DACH1: variants seen among roughly 807,000 people sequenced by gnomAD.
DACH1 encodes dachshund homolog 1.
Under a neutral mutation model 54.2 loss-of-function variants are expected in DACH1, and 12 were observed. The ratio of observed to expected loss-of-function variants is 0.22; its 90% CI spans 0.14 to 0.36. The LOEUF is 0.36. Ranked by LOEUF, DACH1 falls within the 10% of genes least tolerant of loss-of-function variation. The probability of loss-of-function intolerance (pLI) is 1.00; values close to 1 mark genes in which losing one functional copy is unlikely to be tolerated. For missense variants in DACH1, 805 were observed against 929.8 expected (o/e 0.87, Z 1.75); for synonymous variants, 386 against 366.2 (o/e 1.05, Z -0.62).
At chr13:71,861,304 T>A (rs1448977573) in intron 1 of DACH1, among the ~76,000 whole-genome samples, 2 of 152,092 alleles carry the variant, frequency 1.3e-5, no homozygotes, top group South Asian at 2.1e-4. Flanking sequence ...ATTTCTTACA[T>A]CAGAGCATTA....
chr13:71,457,846 C>T (rs1254037891), intron 10 of DACH1, among the ~76,000 whole-genome samples: 1 of 151,884 alleles, frequency 6.6e-6, no homozygotes, highest in Non-Finnish European at 1.5e-5. Context: ...CATTCCAATG[C>T]CTGCTTCATA....
chr13:71,467,865 C>T (rs1054853211), intron 10 of DACH1, among the ~76,000 whole-genome samples: 3 of 151,954 alleles, frequency 2.0e-5, no homozygotes, highest in African/African-American at 7.2e-5. Flanking sequence ...ATTTTAAGAT[C>T]GAGAAAAATG....
intron 1 of DACH1, among the ~76,000 whole-genome samples, chr13:71,818,352 A>T (rs1888048651): frequency 6.6e-6 from 1 of 152,184 alleles, no homozygotes; most frequent in Admixed American, 6.5e-5. Flanking sequence ...AGATTTGCAT[A>T]ATGAAAAAAC....
chr13:71,491,704 G>A (rs1453811073), intron 6 of DACH1, among the ~76,000 whole-genome samples: 1 of 152,078 alleles, frequency 6.6e-6, no homozygotes, highest in Non-Finnish European at 1.5e-5. Context: ...ATATTCCTTT[G>A]GGTCTCATGA....
chr13:71,793,462 A>G (rs557126421), intron 1 of DACH1, among the ~76,000 whole-genome samples: 2 of 152,322 alleles, frequency 1.3e-5, no homozygotes, highest in Non-Finnish European at 2.9e-5. Flanking sequence ...CTATAGATTG[A>G]AGACAAAAGG....
chr13:71,729,656 A>C (rs1228442549), intron 1 of DACH1, among the ~76,000 whole-genome samples: 1 of 152,120 alleles, frequency 6.6e-6, no homozygotes, highest in Non-Finnish European at 1.5e-5. Flanking sequence ...CCACAGAATG[A>C]AACTTGTTTA....
In DACH1 at chr13:71,866,637, C is replaced by G. The variant is rs754291080; in HGVS notation, c.133G>C (p.Gly45Arg). Reference protein sequence around the residue: ...SATSSPAPSIGPPASSGPTLF... With the variant: ...SATSSPAPSIRPPASSGPTLF... ...GTTGGCCCAGAGGACGCCGGGGGTC[C>G]GATGGAAGGAGCCGGAGACGAAGTC... The change falls in exon 1 of 11, where the codon GGA (glycine) becomes CGA (arginine). Residue 45 changes from glycine (G) to arginine (R), a missense_variant. Physicochemically the swap from Gly to Arg is moderately radical, Grantham distance 125. Transcript: ENST00000613252. 2.8e-6 allele frequency: 4 copies of G among 1,407,846 alleles called. No homozygotes were observed. Among genetic ancestry groups the G allele is most frequent in the Non-Finnish European group, 3.7e-6 (4 of 1,074,086 alleles). 87.2% of individuals were successfully genotyped at this position (1,407,846 alleles called of 1,614,324 possible).
At chr13:71,621,115 G>T (rs1026332131) in intron 3 of DACH1, among the ~76,000 whole-genome samples, 1 of 151,520 alleles carries the variant, frequency 6.6e-6, no homozygotes. Context: ...TATATAACTG[G>T]ACACACAAAC....
intron 1 of DACH1, among the ~76,000 whole-genome samples, chr13:71,697,962 C>A (rs1881914166): frequency 6.6e-6 from 1 of 152,060 alleles, no homozygotes; most frequent in African/African-American, 2.4e-5. Context: ...ATAAGAATGA[C>A]ATTAATGCCA....
At chr13:71,778,266 G>A (rs905432673) in intron 1 of DACH1, among the ~76,000 whole-genome samples, 40 of 152,026 alleles carry the variant, frequency 2.6e-4, no homozygotes, top group African/African-American at 9.2e-4. Flanking sequence ...AGAATCAGTA[G>A]TAGAAGCCAG....
chr13:71,699,085 A>G, intron 1 of DACH1, among the ~76,000 whole-genome samples: 1 of 152,168 alleles, frequency 6.6e-6, no homozygotes, highest in East Asian at 1.9e-4. Flanking sequence ...GACTGAACAT[A>G]AGGATTGTAA....
chr13:71,594,028 A>C (rs1465810426), intron 3 of DACH1, among the ~76,000 whole-genome samples: 1 of 151,438 alleles, frequency 6.6e-6, no homozygotes, highest in Non-Finnish European at 1.5e-5. Context: ...AAAGATATTA[A>C]CATAATATAG....
Position 71,504,917 on chromosome 13 carries a change from C to T in DACH1, c.1571-15769G>A, listed in dbSNP as rs1880192288. On this transcript the variant is annotated intron_variant, in intron 6 of 10. Coordinates refer to ENST00000613252, the MANE Select transcript of DACH1 (RefSeq NM_080759.6). ...GTGTCTCCTATACCTTGAATGGTGC[C>T]TGGCTTTTACATGTAGGATGAATCA... Among the ~76,000 whole-genome samples, 2 of 152,088 alleles carry T rather than the reference C, an allele frequency of 1.3e-5. 1 individual carries two copies. Among genetic ancestry groups the T allele is most frequent in the South Asian group, 4.1e-4 (2 of 4,828 alleles).
chr13:71,455,546 G>T (rs892912717), intron 10 of DACH1, among the ~76,000 whole-genome samples: 1 of 152,018 alleles, frequency 6.6e-6, no homozygotes, highest in African/African-American at 2.4e-5. Context: ...ATTCGAAATA[G>T]TTTAATTCTC....
At chr13:71,600,373 A>G (rs1874404893) in intron 3 of DACH1, among the ~76,000 whole-genome samples, 1 of 152,098 alleles carries the variant, frequency 6.6e-6, no homozygotes, top group African/African-American at 2.4e-5. Flanking sequence ...AAGTTTTTCT[A>G]GTTTTTCACA....
At chr13:71,478,796 A>G (rs1186646305) in intron 8 of DACH1, among the ~76,000 whole-genome samples, 1 of 152,162 alleles carries the variant, frequency 6.6e-6, no homozygotes, top group Admixed American at 6.5e-5. Context: ...AGTATTTTCT[A>G]TTTTAGCTTT....
rs117038480 is a variant in DACH1 at position 71,536,822 on chromosome 13, C to T, written c.1570+20202G>A. Among the ~76,000 whole-genome samples the T allele has an allele frequency of 3.0e-3, 460 of 152,096 alleles. 2 individuals carry two copies. The highest frequency in any genetic ancestry group is 4.8e-3 in the Non-Finnish European group (329 of 67,982). The stretch of plus-strand genomic sequence containing the variant: ...CCATTATCAAATTCCTCAAGAAATC[C>T]GCTCAACACCACTTCAATCAATCCA... On this transcript the variant is annotated intron_variant, in intron 6 of 10. Coordinates refer to ENST00000613252, the MANE Select transcript of DACH1 (RefSeq NM_080759.6).
intron 1 of DACH1, among the ~76,000 whole-genome samples, chr13:71,814,965 C>A (rs1320559885): frequency 1.3e-5 from 2 of 152,118 alleles, no homozygotes; most frequent in African/African-American, 4.8e-5. Flanking sequence ...AGTAAAAATG[C>A]AACCTGAGGA....
intron 2 of DACH1, among the ~76,000 whole-genome samples, chr13:71,651,972 C>G (rs1446184492): frequency 6.6e-6 from 1 of 152,128 alleles, no homozygotes; most frequent in African/African-American, 2.4e-5. Context: ...TTGCTAAATA[C>G]TAGACTTTTA....
Sources: gnomAD v4.1 joint callset for allele counts (sites outside exome capture counted in the v4.1 genomes callset) on GRCh38, gnomAD v4.1.1 for gene constraint, MANE v1.5 for transcripts, NCBI Gene and HGNC (gene_info 2026-07-23, HGNC 2026-07-21) for gene names.